PIANP: variants seen among roughly 807,000 people sequenced by gnomAD.
PIANP encodes the protein PILR alpha associated neural protein.
In PIANP, 14 loss-of-function variants were observed where a neutral mutation model predicts 28.9. The ratio of observed to expected loss-of-function variants is 0.49; its 90% CI spans 0.32 to 0.76. The LOEUF is 0.76. PIANP is among the 30% of genes least tolerant of loss of function. PIANP has a pLI of 0.03. For missense variants in PIANP, 322 were observed against 371.8 expected, an observed-to-expected ratio of 0.87 and a Z score of 1.10; for synonymous variants, 149 against 156.6, an observed-to-expected ratio of 0.95 and a Z score of 0.36.
Position 6,695,160 on chromosome 12 carries a change from G to A in PIANP, c.*266C>T, listed in dbSNP as rs1959812936. ...GGGGAATCAAGGTTAAGAGGGCAGA[G>A]TTGTCTTAGACAAGGTGGCATGAGA... On this transcript the variant is annotated 3_prime_UTR_variant, in exon 5 of 5. Coordinates refer to ENST00000534837, the MANE Select transcript of PIANP (RefSeq NM_001244014.2). This position sits in a 1 kb window ranked among gnomAD's most constrained non-coding sequence, Gnocchi z 4.2. 6.7e-7 allele frequency: 1 copy of A among 1,495,988 alleles called. No homozygotes were observed. The highest frequency in any genetic ancestry group is 1.3e-5 in the South Asian group (1 of 74,980). The allele number at this position is 1,495,988 out of a possible 1,614,324, so 92.7% of individuals were successfully genotyped here.
chr12:6,698,471 T>C (rs1959946792), intron 1 of PIANP: 1 of 267,486 alleles, frequency 3.7e-6, no homozygotes. Flanking sequence ...AGGGAGGGAG[T>C]CTGAGGGTAG....
Position 6,695,232 on chromosome 12 carries a change from G to A in PIANP, c.*194C>T, listed in dbSNP as rs577465401. The A allele has an allele frequency of 2.9e-5, 42 of 1,430,052 alleles. No individual in the cohort carries two copies. In the South Asian group the frequency reaches 6.2e-4, roughly 21 times the overall value. 88.6% of individuals were successfully genotyped at this position (1,430,052 alleles called of 1,614,324 possible). ...TGGAGTTATGGGCAGCAGAGAATAG[G>A]ACACAGATCCTGAGAGACTGGGAGA... On this transcript the variant is annotated 3_prime_UTR_variant, in exon 5 of 5. Transcript: ENST00000534837. The surrounding 1 kb of genome is among the most constrained non-coding windows in gnomAD (Gnocchi z 4.2).
Position 6,697,692 on chromosome 12 carries a change from G to C in PIANP, c.118C>G (p.Pro40Ala). The stretch of plus-strand genomic sequence containing the variant: ...GCACACGGGGGGCGGGCTGGGGCTG[G>C]TGGGGTTCGAGGGGAGGATGAAGAG... The part of the protein sequence containing the change: ...QGSSSSPRTP[P>A]APARPPCARG... The change falls in exon 3 of 5, where the codon CCA becomes GCA. Residue 40 changes from proline to alanine, a missense_variant. Physicochemically the swap from Pro to Ala is conservative, Grantham distance 27 (BLOSUM62 -1). Transcript: ENST00000534837. The surrounding 1 kb of genome is among the most constrained non-coding windows in gnomAD (Gnocchi z 6.9). 1 of 1,556,880 alleles carries C rather than the reference G, an allele frequency of 6.4e-7. No homozygotes were observed. Among genetic ancestry groups the C allele is most frequent in the Non-Finnish European group, 8.7e-7 (1 of 1,151,250 alleles).
Position 6,695,178 on chromosome 12 carries a change from G to A in PIANP, c.*248C>T, listed in dbSNP as rs1959813618. On this transcript the variant is annotated 3_prime_UTR_variant, in exon 5 of 5. Coordinates refer to ENST00000534837, the MANE Select transcript of PIANP (RefSeq NM_001244014.2). This position sits in a 1 kb window ranked among gnomAD's most constrained non-coding sequence, Gnocchi z 4.2. ...GGGCAGAGTTGTCTTAGACAAGGTG[G>A]CATGAGAAAAAACCAAAGAGGGCAG... is the stretch of plus-strand genomic sequence containing the variant. 2.1e-6 allele frequency: 3 copies of A among 1,461,882 alleles called. No individual in the cohort carries two copies. Among genetic ancestry groups the A allele is most frequent in the Admixed American group, 5.0e-5 (2 of 39,700 alleles). The allele number at this position is 1,461,882 out of a possible 1,614,324, so 90.6% of individuals were successfully genotyped here. A position where few individuals can be genotyped will look rare whatever the true frequency, so the allele number is the denominator to read the frequency against.
At chr12:6,693,117 A>G (rs1425796634), downstream of PIANP, among the ~76,000 whole-genome samples, 1 of 152,044 alleles carries the variant, frequency 6.6e-6, no homozygotes, top group Non-Finnish European at 1.5e-5. Flanking sequence ...CAGGGCTGTT[A>G]CAAGAGCCAA....
In PIANP at chr12:6,693,889, A is replaced by G. The variant is rs1405135898; in HGVS notation, c.*1537T>C. The G allele has an allele frequency of 2.0e-5, 3 of 152,816 alleles. No individual in the cohort carries two copies. Among genetic ancestry groups the G allele is most frequent in the South Asian group, 2.1e-4 (1 of 4,832 alleles). The allele number at this position is 152,816 out of a possible 1,614,324, so 9.5% of individuals were successfully genotyped here. On this transcript the variant is annotated 3_prime_UTR_variant, in exon 5 of 5. Coordinates refer to ENST00000534837, the MANE Select transcript of PIANP (RefSeq NM_001244014.2). ...GAAGAAAGAGATAATACAAAAATAT[A>G]TATCACAGCCTAGGAGCCAGGGAAG... is the stretch of plus-strand genomic sequence containing the variant.
Position 6,695,176 on chromosome 12 carries a change from T to C in PIANP, c.*250A>G. 1 of 1,463,084 alleles carries C rather than the reference T, an allele frequency of 6.8e-7. No individual in the cohort carries two copies. The highest frequency in any genetic ancestry group is 9.1e-7 in the Non-Finnish European group (1 of 1,100,356). The allele number at this position is 1,463,084 out of a possible 1,614,324, so 90.6% of individuals were successfully genotyped here. On this transcript the variant is annotated 3_prime_UTR_variant, in exon 5 of 5. Transcript: ENST00000534837. This position sits in a 1 kb window ranked among gnomAD's most constrained non-coding sequence, Gnocchi z 4.2. The stretch of plus-strand genomic sequence containing the variant: ...GAGGGCAGAGTTGTCTTAGACAAGG[T>C]GGCATGAGAAAAAACCAAAGAGGGC...
At chr12:6,693,757 A>G (rs1959755757), downstream of PIANP, 1 of 152,284 alleles carries the variant, frequency 6.6e-6, no homozygotes, top group Non-Finnish European at 1.5e-5. Context: ...CCTCCTCTCT[A>G]CGGGGGTCAG....
intron 1 of PIANP, among the ~76,000 whole-genome samples, chr12:6,699,041 C>T (rs1283486952): frequency 6.6e-6 from 1 of 152,080 alleles, no homozygotes; most frequent in African/African-American, 2.4e-5. Context: ...ATCAGGAGTT[C>T]GAGACTAGCT....
rs925279386 is a variant in PIANP at position 6,700,722 on chromosome 12, G to A, written c.-152C>T. On this transcript the variant is annotated 5_prime_UTR_variant, in exon 1 of 5. Coordinates refer to ENST00000534837, the MANE Select transcript of PIANP (RefSeq NM_001244014.2). This position sits in a 1 kb window ranked among gnomAD's most constrained non-coding sequence, Gnocchi z 5.5. ...GGGGCATGGTGGGGAGGTTTGGCCC[G>A]CGGCAGGGCGCTGGAGCGGGTGGGG... The A allele has an allele frequency of 6.0e-5, 9 of 150,570 alleles. No homozygotes were observed. Among genetic ancestry groups the A allele is most frequent in the African/African-American group, 2.2e-4 (9 of 40,834 alleles). 9.3% of individuals were successfully genotyped at this position (150,570 alleles called of 1,614,324 possible).
chr12:6,698,382 C>T, intron 1 of PIANP: 1 of 479,356 alleles, frequency 2.1e-6, no homozygotes, highest in South Asian at 2.3e-5. Context: ...CTTCTCACTT[C>T]CTCTGCCCAC....
At chr12:6,692,452 G>C (rs1959723621), downstream of PIANP, among the ~76,000 whole-genome samples, 1 of 152,178 alleles carries the variant, frequency 6.6e-6, no homozygotes, top group East Asian at 1.9e-4. Context: ...GATTCCTGTG[G>C]GGAAAGAAGG....
At chr12:6,693,484 A>G (rs966403641), downstream of PIANP, among the ~76,000 whole-genome samples, 3 of 151,542 alleles carry the variant, frequency 2.0e-5, no homozygotes, top group African/African-American at 4.9e-5. Context: ...TCCACCTCCT[A>G]TCCTTCCATG....
At chr12:6,699,433 T>C (rs1282382741) in intron 1 of PIANP, among the ~76,000 whole-genome samples, 1 of 150,742 alleles carries the variant, frequency 6.6e-6, no homozygotes, top group Non-Finnish European at 1.5e-5. Context: ...TGGCCTGGAG[T>C]GCAGGGTGAG....
chr12:6,693,287 C>G (rs1163250865), downstream of PIANP, among the ~76,000 whole-genome samples: 2 of 151,942 alleles, frequency 1.3e-5, no homozygotes, highest in African/African-American at 4.8e-5. Flanking sequence ...GCTTCTGATT[C>G]TGCACAGCTT....
chr12:6,692,195 T>A (rs1032220043), downstream of PIANP, among the ~76,000 whole-genome samples: 1 of 152,246 alleles, frequency 6.6e-6, no homozygotes, highest in African/African-American at 2.4e-5. Flanking sequence ...TTCCAGTACC[T>A]TGCTGGTGTA....
In PIANP at chr12:6,695,191, C is replaced by G; in HGVS notation, c.*235G>C. On this transcript the variant is annotated 3_prime_UTR_variant, in exon 5 of 5. Transcript: ENST00000534837. The surrounding 1 kb of genome is among the most constrained non-coding windows in gnomAD (Gnocchi z 4.2). ...TTAGACAAGGTGGCATGAGAAAAAA[C>G]CAAAGAGGGCAGAGTTGGAGTTATG... The G allele has an allele frequency of 6.9e-7, 1 of 1,457,116 alleles. No individual in the cohort carries two copies. The highest frequency in any genetic ancestry group is 9.1e-7 in the Non-Finnish European group (1 of 1,097,328). 90.3% of individuals were successfully genotyped at this position (1,457,116 alleles called of 1,614,324 possible).
chr12:6,697,674 G>A lies in PIANP; in HGVS notation c.136C>T (p.Pro46Ser). 1 of 1,556,962 alleles carries A rather than the reference G, an allele frequency of 6.4e-7. No individual in the cohort carries two copies. Among genetic ancestry groups the A allele is most frequent in the Non-Finnish European group, 8.7e-7 (1 of 1,150,554 alleles). Residue 46 changes from proline to serine, a missense_variant, in exon 3 of 5, where the codon CCG becomes TCG. Transcript: ENST00000534837. This position sits in a 1 kb window ranked among gnomAD's most constrained non-coding sequence, Gnocchi z 6.9. ...GCCGAGGGGCCTCCCCTGGCACACG[G>A]GGGGCGGGCTGGGGCTGGTGGGGTT... ...PRTPPAPARP[P>S]CARGGPSAPR...
intron 1 of PIANP, chr12:6,698,411 G>A (rs771528860): frequency 2.5e-6 from 1 of 396,086 alleles, no homozygotes; most frequent in African/African-American, 2.1e-5. Context: ...GCTTTTCTTG[G>A]ATCTTAATTT....
Sources: allele counts gnomAD v4.1 joint callset (sites outside exome capture counted in the v4.1 genomes callset), GRCh38; gene constraint gnomAD v4.1.1; non-coding constraint Gnocchi (gnomAD v3.1); transcripts MANE v1.5; gene names NCBI Gene and HGNC (gene_info 2026-07-23, HGNC 2026-07-21).